Variants in ITGA9 observed in about 807,000 individuals in gnomAD.
ITGA9 encodes the protein integrin alpha-9.
Under a neutral mutation model 127.8 loss-of-function variants are expected in ITGA9, and 56 were observed. The ratio of observed to expected loss-of-function variants is 0.44; its 90% CI spans 0.35 to 0.55. ITGA9 has a LOEUF of 0.55. Among genes scored for constraint, ITGA9 ranks in the 20% least tolerant of loss-of-function variants. The pLI, the probability that ITGA9 is intolerant of heterozygous loss-of-function variation, is 0.00. For synonymous variants in ITGA9, 508 were observed against 514.5 expected (o/e 0.99, Z 0.17); for missense variants, 1,196 against 1,347.1 (o/e 0.89, Z 1.76).
At chr3:37,769,310 C>T (rs567905159) in intron 23 of ITGA9, among the ~76,000 whole-genome samples, 1 of 147,700 alleles carries the variant, frequency 6.8e-6, no homozygotes, top group East Asian at 2.0e-4. Flanking sequence ...TGCACTCCAG[C>T]CTGGGCAATA....
chr3:37,636,360 A>G (rs1700278639), intron 16 of ITGA9, among the ~76,000 whole-genome samples: 1 of 152,032 alleles, frequency 6.6e-6, no homozygotes, highest in Admixed American at 6.5e-5. Context: ...TGTGGTTTTG[A>G]TTTGCATTTC....
At chr3:37,461,346 A>AAGG (rs1698314450) in intron 1 of ITGA9, among the ~76,000 whole-genome samples, 1 of 152,118 alleles carries the variant, frequency 6.6e-6, no homozygotes, top group South Asian at 2.1e-4. Context: ...GATCTTGACC[A>AAGG]ATTACTTCAG....
At chr3:37,763,536 C>G (rs1194930306) in intron 23 of ITGA9, among the ~76,000 whole-genome samples, 1 of 152,222 alleles carries the variant, frequency 6.6e-6, no homozygotes, top group Non-Finnish European at 1.5e-5. Context: ...GGGGAGTTTT[C>G]TGCCACAATG....
chr3:37,782,450 A>G (rs925834218), intron 25 of ITGA9, among the ~76,000 whole-genome samples: 2 of 142,796 alleles, frequency 1.4e-5, no homozygotes, highest in Non-Finnish European at 3.2e-5. Context: ...CAGCCAGGCC[A>G]GTAGAGCCGC....
Position 37,629,100 on chromosome 3 carries a change from A to C in ITGA9, c.1690-87A>C. ...TTGTGAGGATTATATGAGGCAATTC[A>C]TGTAGAAGGTCTTTGTAAACTGTGA... On this transcript the variant is annotated intron_variant, in intron 15 of 27. Transcript: ENST00000264741. The surrounding 1 kb of genome is among the most constrained non-coding windows in gnomAD (Gnocchi z 4.5). The C allele has an allele frequency of 6.8e-7, 1 of 1,467,126 alleles. No homozygotes were observed. The highest frequency in any genetic ancestry group is 9.5e-7 in the Non-Finnish European group (1 of 1,048,658). The allele number at this position is 1,467,126 out of a possible 1,614,324, so 90.9% of individuals were successfully genotyped here.
intron 15 of ITGA9, among the ~76,000 whole-genome samples, chr3:37,565,679 G>A (rs924793957): frequency 1.3e-4 from 20 of 152,186 alleles, no homozygotes; most frequent in Admixed American, 1.2e-3. Flanking sequence ...TGAAAATGGT[G>A]AAAGTGATAC....
At chr3:37,666,955 T>C (rs1399955082) in intron 17 of ITGA9, among the ~76,000 whole-genome samples, 1 of 152,084 alleles carries the variant, frequency 6.6e-6, no homozygotes, top group East Asian at 1.9e-4. Flanking sequence ...CTACTCTGGG[T>C]TAGGTGGGTG....
At chr3:37,816,602 G>A (rs1697436261) in intron 27 of ITGA9, among the ~76,000 whole-genome samples, 3 of 152,160 alleles carry the variant, frequency 2.0e-5, no homozygotes. Context: ...TGTGCTGTGG[G>A]GATGATGTCT....
intron 1 of ITGA9, among the ~76,000 whole-genome samples, chr3:37,466,479 A>G (rs535638488): frequency 2.3e-4 from 28 of 121,710 alleles, no homozygotes; most frequent in African/African-American, 7.6e-4. Context: ...GCAAGACACC[A>G]TCTCAAAAAA....
intron 15 of ITGA9, among the ~76,000 whole-genome samples, chr3:37,555,746 T>A (rs1408680253): frequency 6.6e-6 from 1 of 152,188 alleles, no homozygotes; most frequent in Non-Finnish European, 1.5e-5. Context: ...ACATAATCTC[T>A]CCCTCTAGTG....
intron 20 of ITGA9, among the ~76,000 whole-genome samples, chr3:37,740,196 G>A (rs1696416376): frequency 6.6e-6 from 1 of 152,168 alleles, no homozygotes; most frequent in South Asian, 2.1e-4. Flanking sequence ...GGAGGGGGCA[G>A]AGAGAGGGCA....
intron 21 of ITGA9, among the ~76,000 whole-genome samples, chr3:37,743,269 C>T (rs1338836764): frequency 6.6e-6 from 1 of 152,184 alleles, no homozygotes; most frequent in East Asian, 1.9e-4. Context: ...AGTGAGTGGC[C>T]TCCAGCATCT....
intron 15 of ITGA9, among the ~76,000 whole-genome samples, chr3:37,585,427 C>T (rs1181486317): frequency 1.3e-5 from 2 of 152,198 alleles, no homozygotes; most frequent in South Asian, 2.1e-4. Context: ...CTTGTCCAAC[C>T]ACCATCCCTC....
At chr3:37,610,740 G>T (rs113969443) in intron 15 of ITGA9, among the ~76,000 whole-genome samples, 114 of 152,328 alleles carry the variant, frequency 7.5e-4, no homozygotes, top group African/African-American at 2.6e-3. Context: ...ATCTCACTCA[G>T]TCATCCATCT....
intron 18 of ITGA9, among the ~76,000 whole-genome samples, chr3:37,712,818 G>C (rs1403269525): frequency 7.2e-5 from 11 of 152,192 alleles, no homozygotes; most frequent in African/African-American, 2.4e-4. Flanking sequence ...CCTCCTAACG[G>C]GTTGGGAGTG....
At chr3:37,571,727 G>T (rs1225178438) in intron 15 of ITGA9, among the ~76,000 whole-genome samples, 1 of 152,082 alleles carries the variant, frequency 6.6e-6, no homozygotes, top group Non-Finnish European at 1.5e-5. Context: ...AGGAGGTCTG[G>T]ATCCTGGGGA....
rs77041302 is a variant in ITGA9, at chr3:37,764,846, C to A, written c.2542-12546C>A. Among the ~76,000 whole-genome samples, 82 of 152,344 alleles carry A rather than the reference C, an allele frequency of 5.4e-4. 1 individual carries two copies. The East Asian group carries it at 0.015, about 28-fold the overall frequency. On this transcript the variant is annotated intron_variant, in intron 23 of 27. Coordinates refer to ENST00000264741, the MANE Select transcript of ITGA9 (RefSeq NM_002207.3). ...CCAATCTTTGCATAGCTGGCTCCTT[C>A]TTATTATGCAGATCTGAGCCCAGAG...
intron 18 of ITGA9, among the ~76,000 whole-genome samples, chr3:37,709,409 G>A (rs1283494588): frequency 2.0e-5 from 3 of 152,122 alleles, no homozygotes; most frequent in Non-Finnish European, 2.9e-5. Flanking sequence ...AGTGTCCCAA[G>A]GCCAACCCTG....
At chr3:37,636,947 A>G (rs1490941698) in intron 16 of ITGA9, among the ~76,000 whole-genome samples, 1 of 152,022 alleles carries the variant, frequency 6.6e-6, no homozygotes, top group Admixed American at 6.6e-5. Context: ...AGTTGTAGAT[A>G]TGCGGCGTTA....
Sources: allele counts gnomAD v4.1 joint callset (sites outside exome capture counted in the v4.1 genomes callset), GRCh38; gene constraint gnomAD v4.1.1; non-coding constraint Gnocchi (gnomAD v3.1); transcripts MANE v1.5; gene names NCBI Gene and HGNC (gene_info 2026-07-23, HGNC 2026-07-21).